The following WDR97 variants were observed in gnomAD, a reference collection of about 807,000 sequenced individuals.
The protein encoded by WDR97 is WD repeat-containing protein 97.
A neutral mutation model predicts 65.4 loss-of-function variants in WDR97; 111 were observed. The observed-to-expected ratio is 1.70, with a 90% CI of 1.45 to 1.99. The LOEUF is 1.99. Among genes scored for constraint, WDR97 ranks in the 30% most tolerant of loss-of-function variants. The probability of loss-of-function intolerance (pLI) is 0.00; values close to 1 mark genes in which losing one functional copy is unlikely to be tolerated. For missense variants in WDR97, 1,674 were observed against 865.0 expected (o/e 1.94, Z -11.73); for synonymous variants, 802 against 397.7 (o/e 2.02, Z -12.10).
At position 144,108,681 on chromosome 8, in the gene WDR97, TC is replaced by T; in HGVS notation, c.618del (p.Asp207ThrfsTer10). 1 of 700,770 alleles carries T rather than the reference TC, an allele frequency of 1.4e-6. No homozygotes were observed. The highest frequency in any genetic ancestry group is 2.6e-6 in the Non-Finnish European group (1 of 384,472). The allele number at this position is 700,770 out of a possible 1,614,324, so 43.4% of individuals were successfully genotyped here. A position where few individuals can be genotyped will look rare whatever the true frequency, so the allele number is the denominator to read the frequency against. ...GWAPTCCLPV[P>X]DLRLLLVAEM... ...GGGCGCCCACCTGCTGCCTGCCGGTTCCCGACCTCAGGCTGCTGCTCGTTGC... is the reference window on the plus strand; with the variant it reads ...GGGCGCCCACCTGCTGCCTGCCGGTTCCGACCTCAGGCTGCTGCTCGTTGC... On this transcript the variant is annotated frameshift_variant, in exon 3 of 24. Transcript: ENST00000323662. LOFTEE classifies it high-confidence loss of function.
rs928872188 is a variant in WDR97, at chr8:144,114,316, G to A, written c.3633G>A (p.Ser1211=). ...CGGGCACGATCGAGGGCCTGGCCTC[G>A]CTGTTGGTGGCCCTGCTGGAGAAGA... is the stretch of plus-strand genomic sequence containing the variant. ...PEAGTIEGLA[S]LLVALLEKTT... Residue 1211 remains serine, a synonymous_variant, in exon 19 of 24, where the codon TCG becomes TCA. Transcript: ENST00000323662. The A allele has an allele frequency of 2.0e-5, 14 of 702,416 alleles. No individual in the cohort carries two copies. The highest frequency in any genetic ancestry group is 8.0e-5 in the East Asian group (3 of 37,278). The allele number at this position is 702,416 out of a possible 1,614,324, so 43.5% of individuals were successfully genotyped here.
Position 144,112,224 on chromosome 8 carries a change from C to A in WDR97, c.2896C>A (p.Leu966Ile), listed in dbSNP as rs886184421. 3 of 702,508 alleles carry A rather than the reference C, an allele frequency of 4.3e-6. No individual in the cohort carries two copies. The highest frequency in any genetic ancestry group is 1.7e-5 in the African/African-American group (1 of 57,246). 43.5% of individuals were successfully genotyped at this position (702,508 alleles called of 1,614,324 possible). A position where few individuals can be genotyped will look rare whatever the true frequency, so the allele number is the denominator to read the frequency against. Residue 966 changes from leucine to isoleucine, a missense_variant and splice_region_variant, in exon 14 of 24, where the codon CTT becomes ATT. Physicochemically the swap from Leu to Ile is conservative, Grantham distance 5. Transcript: ENST00000323662. ...CCCTGTGACTCCTCCTATGCCCCAG[C>A]TTCTGGCCCGCTCCTCACTGAGCCA... ...HRRVHSKASQ[L>I]LARSSLSHYL...
At position 144,109,345 on chromosome 8, in the gene WDR97, G is replaced by A. The variant is rs1201625663; in HGVS notation, c.1011G>A (p.Thr337=). The change falls in exon 5 of 24, where the codon ACG becomes ACA. Residue 337 remains threonine, a synonymous_variant. Transcript: ENST00000323662. ...MVFVGHTGPV[T]AMTVLPNTTL... ...GCACCCCTCCCACAGGCCCGGTGAC[G>A]GCTATGACTGTGCTCCCGAACACGA... 3 of 702,538 alleles carry A rather than the reference G, an allele frequency of 4.3e-6. No homozygotes were observed. Among genetic ancestry groups the A allele is most frequent in the Admixed American group, 2.0e-5 (1 of 49,990 alleles). 43.5% of individuals were successfully genotyped at this position (702,538 alleles called of 1,614,324 possible).
rs188514086 is a variant in WDR97 at position 144,114,356 on chromosome 8, C to T, written c.3673C>T (p.Arg1225Cys). Reference sequence around the variant, plus strand: ...GCTGGAGAAGACCACGTGGGTCGACCGTGTGCACATCCTGCAGGTGCTACT... The same window carrying T: ...GCTGGAGAAGACCACGTGGGTCGACTGTGTGCACATCCTGCAGGTGCTACT... The part of the protein sequence containing the change: ...ALLEKTTWVD[R>C]VHILQVLLRL... The change falls in exon 19 of 24, where the codon CGT (arginine) becomes TGT (cysteine). Residue 1225 changes from arginine (R) to cysteine (C), a missense_variant. By Grantham distance (180) the Arg-to-Cys change is radical (BLOSUM62 -3). Coordinates refer to ENST00000323662, the MANE Select transcript of WDR97 (RefSeq NM_001316309.2). 409 of 702,758 alleles carry T rather than the reference C, an allele frequency of 5.8e-4. 1 individual carries two copies. Among genetic ancestry groups the T allele is most frequent in the African/African-American group, 5.5e-3 (318 of 57,358 alleles). The allele number at this position is 702,758 out of a possible 1,614,324, so 43.5% of individuals were successfully genotyped here.
rs934196107 is a variant in WDR97 at position 144,115,021 on chromosome 8, G to T, written c.4077+110G>T. On this transcript the variant is annotated intron_variant, in intron 21 of 23. Coordinates refer to ENST00000323662, the MANE Select transcript of WDR97 (RefSeq NM_001316309.2). ...AGGCCACAGGCTCCTTCCTTGCCTT[G>T]CCCAGTCCTGGGCCTCCAGCCTCCC... 3.3e-5 allele frequency: 20 copies of T among 607,940 alleles called. No homozygotes were observed. The East Asian group carries it at 4.1e-4, about 12-fold the overall frequency. 37.7% of individuals were successfully genotyped at this position (607,940 alleles called of 1,614,324 possible).
rs772896177 is a variant in WDR97 at position 144,113,847 on chromosome 8, A to G, written c.3374A>G (p.Asn1125Ser). Residue 1125 changes from asparagine (N) to serine (S), a missense_variant, in exon 17 of 24, where the codon AAC becomes AGC. Coordinates refer to ENST00000323662, the MANE Select transcript of WDR97 (RefSeq NM_001316309.2). Reference sequence around the variant, plus strand: ...TTGGCTTCCCTGAGCCCGCACTCCAACCAGCAGCTGGATTCCTGGGAACTG... The same window carrying G: ...TTGGCTTCCCTGAGCCCGCACTCCAGCCAGCAGCTGGATTCCTGGGAACTG... ...WALASLSPHSNQQLDSWELED... is the reference protein window; with the variant it reads ...WALASLSPHSSQQLDSWELED... The G allele has an allele frequency of 3.4e-5, 24 of 698,240 alleles. No homozygotes were observed. Among genetic ancestry groups the G allele is most frequent in the Non-Finnish European group, 6.0e-5 (23 of 381,922 alleles). The allele number at this position is 698,240 out of a possible 1,614,324, so 43.3% of individuals were successfully genotyped here.
chr8:144,108,828 G>A lies in WDR97; in HGVS notation c.762G>A (p.Val254=). 1.4e-6 allele frequency: 1 copy of A among 702,828 alleles called. No homozygotes were observed. Among genetic ancestry groups the A allele is most frequent in the South Asian group, 1.5e-5 (1 of 67,600 alleles). 43.5% of individuals were successfully genotyped at this position (702,828 alleles called of 1,614,324 possible). A position where few individuals can be genotyped will look rare whatever the true frequency, so the allele number is the denominator to read the frequency against. The change falls in exon 3 of 24, where the codon GTG becomes GTA. Residue 254 remains valine, a synonymous_variant. Coordinates refer to ENST00000323662, the MANE Select transcript of WDR97 (RefSeq NM_001316309.2). ...SPTGRLMRLA[V]APVPPHHVLR... ...CAGGCAGGCTCATGCGTCTGGCTGTGGCGCCGGTTCCTCCCCACCACGTCC... is the reference window on the plus strand; with the variant it reads ...CAGGCAGGCTCATGCGTCTGGCTGTAGCGCCGGTTCCTCCCCACCACGTCC...
chr8:144,107,760 G>A lies in WDR97; in HGVS notation c.10G>A (p.Glu4Lys). 1.4e-6 allele frequency: 1 copy of A among 702,866 alleles called. No homozygotes were observed. Among genetic ancestry groups the A allele is most frequent in the Non-Finnish European group, 2.6e-6 (1 of 384,994 alleles). 43.5% of individuals were successfully genotyped at this position (702,866 alleles called of 1,614,324 possible). A position where few individuals can be genotyped will look rare whatever the true frequency, so the allele number is the denominator to read the frequency against. The change falls in exon 1 of 24, where the codon GAG becomes AAG. Residue 4 changes from glutamate (E) to lysine (K), a missense_variant. Glu to Lys is a moderately conservative substitution (Grantham distance 56). Coordinates refer to ENST00000323662, the MANE Select transcript of WDR97 (RefSeq NM_001316309.2). ...GACCGCAGTTGCTGAAATGGAGGCA[G>A]AGGTGTGGGAGGCAGAAGGCTACAA... MEA[E>K]VWEAEGYNLV...
chr8:144,108,162 T>G lies in WDR97; in HGVS notation c.216T>G (p.Leu72=), dbSNP rs1442136390. 14 of 702,146 alleles carry G rather than the reference T, an allele frequency of 2.0e-5. No homozygotes were observed. The highest frequency in any genetic ancestry group is 1.3e-5 in the Non-Finnish European group (5 of 384,750). The allele number at this position is 702,146 out of a possible 1,614,324, so 43.5% of individuals were successfully genotyped here. A position where few individuals can be genotyped will look rare whatever the true frequency, so the allele number is the denominator to read the frequency against. ...PRARARRLWL[L]LRTSLHEVVE... ...CCCGCGCCCGCCGGCTGTGGCTGCT[T>G]CTGCGCACCAGCCTCCACGAAGTCG... Residue 72 remains leucine (L), a synonymous_variant, in exon 2 of 24, where the codon CTT becomes CTG. Transcript: ENST00000323662.
At position 144,116,262 on chromosome 8, in the gene WDR97, C is replaced by A; in HGVS notation, c.4838C>A (p.Pro1613Gln). ...CCGGCCCTGCAGCGCTACTTTCTGC[C>A]AGCGGACGCGGACCCTGACACCTAC... is the stretch of plus-strand genomic sequence containing the variant. ...LQPALQRYFL[P>Q]ADADPDTYS Residue 1613 changes from proline (P) to glutamine (Q), a missense_variant, in exon 24 of 24, where the codon CCA becomes CAA. By Grantham distance (76) the Pro-to-Gln change is moderately conservative. Coordinates refer to ENST00000323662, the MANE Select transcript of WDR97 (RefSeq NM_001316309.2). The A allele has an allele frequency of 1.5e-6, 1 of 662,380 alleles. No homozygotes were observed. The highest frequency in any genetic ancestry group is 2.7e-5 in the East Asian group (1 of 36,494). 41.0% of individuals were successfully genotyped at this position (662,380 alleles called of 1,614,324 possible).
In WDR97 at chr8:144,109,495, T is replaced by C; in HGVS notation, c.1161T>C (p.Arg387=). Residue 387 remains arginine, a synonymous_variant, in exon 5 of 24, where the codon CGT becomes CGC. Coordinates refer to ENST00000323662, the MANE Select transcript of WDR97 (RefSeq NM_001316309.2). The part of the protein sequence containing the change: ...GQDKLSRRVG[R]LLAPVRPGWP... ...ACAAGCTGTCCCGGCGCGTGGGCCG[T>C]CTGCTGGCGCCGGTGCGCCCGGGCT... 1 of 696,812 alleles carries C rather than the reference T, an allele frequency of 1.4e-6. No homozygotes were observed. Among genetic ancestry groups the C allele is most frequent in the South Asian group, 1.5e-5 (1 of 67,156 alleles). 43.2% of individuals were successfully genotyped at this position (696,812 alleles called of 1,614,324 possible). A position where few individuals can be genotyped will look rare whatever the true frequency, so the allele number is the denominator to read the frequency against.
In WDR97 at chr8:144,118,091, T is replaced by C. The variant is rs1235216213; in HGVS notation, c.*1798T>C. The C allele has an allele frequency of 6.6e-6, 1 of 152,176 alleles. No individual in the cohort carries two copies. Among genetic ancestry groups the C allele is most frequent in the Non-Finnish European group, 1.5e-5 (1 of 68,044 alleles). 9.4% of individuals were successfully genotyped at this position (152,176 alleles called of 1,614,324 possible). A position where few individuals can be genotyped will look rare whatever the true frequency, so the allele number is the denominator to read the frequency against. ...GGAGTTATAAGCCAGGAACTGTGGA[T>C]GGAAACCAATGACAGATATCATAAT... On this transcript the variant is annotated 3_prime_UTR_variant, in exon 24 of 24. Coordinates refer to ENST00000323662, the MANE Select transcript of WDR97 (RefSeq NM_001316309.2).
In WDR97 at chr8:144,109,633, G is replaced by C. The variant is rs1168839752; in HGVS notation, c.1299G>C (p.Ala433=). 1.5e-6 allele frequency: 1 copy of C among 678,976 alleles called. No individual in the cohort carries two copies. The highest frequency in any genetic ancestry group is 2.7e-6 in the Non-Finnish European group (1 of 374,934). 42.1% of individuals were successfully genotyped at this position (678,976 alleles called of 1,614,324 possible). A position where few individuals can be genotyped will look rare whatever the true frequency, so the allele number is the denominator to read the frequency against. Residue 433 remains alanine, a synonymous_variant, in exon 5 of 24, where the codon GCG becomes GCC. Coordinates refer to ENST00000323662, the MANE Select transcript of WDR97 (RefSeq NM_001316309.2). ...AKVLHVQVAP[A]LPAPAHQSLP... is the part of the protein sequence containing the mutation. ...TGCTCCACGTGCAGGTGGCGCCCGC[G>C]TTGCCCGCGCCTGCGCACCAGTCGC...
At position 144,114,289 on chromosome 8, in the gene WDR97, G is replaced by C. The variant is rs1393573871; in HGVS notation, c.3606G>C (p.Glu1202Asp). The part of the protein sequence containing the change: ...FPIFSLQAYP[E>D]AGTIEGLASL... The stretch of plus-strand genomic sequence containing the variant: ...ATGCTACCCTGCAGGCATACCCGGA[G>C]GCGGGCACGATCGAGGGCCTGGCCT... The change falls in exon 19 of 24, where the codon GAG becomes GAC. Residue 1202 changes from glutamate to aspartate, a missense_variant. By Grantham distance (45) the Glu-to-Asp change is conservative (BLOSUM62 2). Transcript: ENST00000323662. 1 of 701,494 alleles carries C rather than the reference G, an allele frequency of 1.4e-6. No homozygotes were observed. The highest frequency in any genetic ancestry group is 2.0e-5 in the Admixed American group (1 of 49,996). 43.5% of individuals were successfully genotyped at this position (701,494 alleles called of 1,614,324 possible).
rs1188918870 is a variant in WDR97, at chr8:144,114,851, C to T, written c.4017C>T (p.Ser1339=). ...MTWVQGPDLD[S]KAGLRTCCHQ... is the part of the protein sequence containing the mutation. Reference sequence around the variant, plus strand: ...GGGTCCAGGGCCCAGACCTGGACTCCAAGGCCGGCCTGCGCACTTGCTGCC... The same window carrying T: ...GGGTCCAGGGCCCAGACCTGGACTCTAAGGCCGGCCTGCGCACTTGCTGCC... The change falls in exon 21 of 24, where the codon TCC becomes TCT. Residue 1339 remains serine, a synonymous_variant. Coordinates refer to ENST00000323662, the MANE Select transcript of WDR97 (RefSeq NM_001316309.2). 1 of 702,564 alleles carries T rather than the reference C, an allele frequency of 1.4e-6. No homozygotes were observed. Among genetic ancestry groups the T allele is most frequent in the East Asian group, 2.7e-5 (1 of 37,300 alleles). 43.5% of individuals were successfully genotyped at this position (702,564 alleles called of 1,614,324 possible).
At position 144,114,148 on chromosome 8, in the gene WDR97, A is replaced by G. The variant is rs1587628358; in HGVS notation, c.3580A>G (p.Ile1194Val). Reference protein sequence around the residue: ...YQTWFKKLFPIFSLQAYPEAG... With the variant: ...YQTWFKKLFPVFSLQAYPEAG... Reference sequence around the variant, plus strand: ...GACCTGGTTCAAAAAGTTGTTCCCCATCTTCAGCCTGCAGGTTGGAGGGAA... The same window carrying G: ...GACCTGGTTCAAAAAGTTGTTCCCCGTCTTCAGCCTGCAGGTTGGAGGGAA... The change falls in exon 18 of 24, where the codon ATC (isoleucine) becomes GTC (valine). Residue 1194 changes from isoleucine to valine, a missense_variant. Ile to Val is a conservative substitution (Grantham distance 29, BLOSUM62 3). Transcript: ENST00000323662. The G allele has an allele frequency of 1.4e-6, 1 of 702,700 alleles. No homozygotes were observed. Among genetic ancestry groups the G allele is most frequent in the Non-Finnish European group, 2.6e-6 (1 of 384,890 alleles). The allele number at this position is 702,700 out of a possible 1,614,324, so 43.5% of individuals were successfully genotyped here. A position where few individuals can be genotyped will look rare whatever the true frequency, so the allele number is the denominator to read the frequency against.
intron 15 of WDR97, 60 bp from the exon 16 acceptor site, chr8:144,113,380 G>C: frequency 1.6e-6 from 1 of 623,200 alleles, no homozygotes. Context: ...AGGTGACCAA[G>C]GGTGGTGTCC....
At position 144,110,932 on chromosome 8, in the gene WDR97, C is replaced by T; in HGVS notation, c.2240C>T (p.Ala747Val). The T allele has an allele frequency of 1.4e-6, 1 of 702,782 alleles. No individual in the cohort carries two copies. Among genetic ancestry groups the T allele is most frequent in the South Asian group, 1.5e-5 (1 of 67,596 alleles). 43.5% of individuals were successfully genotyped at this position (702,782 alleles called of 1,614,324 possible). A position where few individuals can be genotyped will look rare whatever the true frequency, so the allele number is the denominator to read the frequency against. The stretch of plus-strand genomic sequence containing the variant: ...AGCAACAGTGGAGACCTGGTGCTGG[C>T]GCTGGGATCCCGCCTCTGCCTGGTG... Reference protein sequence around the residue: ...FCSNSGDLVLALGSRLCLVSH... With the variant: ...FCSNSGDLVLVLGSRLCLVSH... Residue 747 changes from alanine (A) to valine (V), a missense_variant, in exon 9 of 24, where the codon GCG becomes GTG. Coordinates refer to ENST00000323662, the MANE Select transcript of WDR97 (RefSeq NM_001316309.2).
chr8:144,115,296 C>G (rs1194267208), intron 21 of WDR97, 45 bp from the exon 22 acceptor site: 2 of 574,830 alleles, frequency 3.5e-6, no homozygotes, highest in Non-Finnish European at 6.2e-6. Flanking sequence ...GCTGGTGGTG[C>G]TGCCCAAGGT....
Sources: gnomAD v4.1 joint callset for allele counts on GRCh38, gnomAD v4.1.1 for gene constraint, MANE v1.5 for transcripts, NCBI Gene and HGNC (gene_info 2026-07-23, HGNC 2026-07-21) for gene names.